Variants in ERCC8 observed in about 807,000 individuals in gnomAD.
The protein encoded by ERCC8 is DNA excision repair protein ERCC-8.
In ERCC8, 52 loss-of-function variants were observed where a neutral mutation model predicts 54.9. That is an observed-to-expected ratio of 0.95 (90% CI 0.76 to 1.19). The LOEUF (loss-of-function observed/expected upper bound fraction) is 1.19. ERCC8 is among the 50% of genes most tolerant of loss of function. The pLI is 0.00. For missense variants in ERCC8, 514 were observed against 466.1 expected (o/e 1.10, Z -0.95); for synonymous variants, 146 against 157.2 (o/e 0.93, Z 0.53).
At chr5:60,941,693 T>C (rs1750261952) in intron 1 of ERCC8, among the ~76,000 whole-genome samples, 1 of 152,140 alleles carries the variant, frequency 6.6e-6, no homozygotes, top group Non-Finnish European at 1.5e-5. Flanking sequence ...ATAAATTACC[T>C]ATAGGAAAAC....
chr5:60,891,528 C>T (rs1748554393), intron 9 of ERCC8, among the ~76,000 whole-genome samples: 1 of 150,752 alleles, frequency 6.6e-6, no homozygotes, highest in Admixed American at 6.6e-5. Flanking sequence ...TTATATACTC[C>T]CAAAAAACAT....
At chr5:60,942,130 A>G (rs949818543) in intron 1 of ERCC8, among the ~76,000 whole-genome samples, 1 of 152,224 alleles carries the variant, frequency 6.6e-6, no homozygotes, top group African/African-American at 2.4e-5. Context: ...CATAGTATAT[A>G]AAATAGAATA....
chr5:60,901,311 C>G (rs1232186995), intron 7 of ERCC8, among the ~76,000 whole-genome samples: 2 of 151,844 alleles, frequency 1.3e-5, no homozygotes, highest in Non-Finnish European at 2.9e-5. Flanking sequence ...CACCTAGGTA[C>G]TTTCCTGTAG....
At chr5:60,891,215 C>A (rs896333298) in intron 9 of ERCC8, 129 bp from the exon 10 acceptor site, 29 of 662,568 alleles carry the variant, frequency 4.4e-5, no homozygotes, top group Middle Eastern at 4.1e-4. Context: ...AAATATTCAA[C>A]GTTGACAGAA....
In ERCC8 at chr5:60,873,533, C is replaced by T. The variant is rs4647164; in HGVS notation, c.*1082G>A. ...CTACTGAAAATACAAAAAAATTAAC[C>T]GGGCGCAGTGGCGGGAGCCTGTAAT... On this transcript the variant is annotated 3_prime_UTR_variant, in exon 12 of 12. Transcript: ENST00000676185. 0.039 allele frequency among the ~76,000 whole-genome samples: 5,860 copies of T among 152,112 alleles called. 133 individuals are homozygous for T. The highest frequency in any genetic ancestry group is 0.057 in the African/African-American group (2,354 of 41,506).
chr5:60,940,109 T>C (rs542308826), intron 1 of ERCC8, among the ~76,000 whole-genome samples: 1 of 152,340 alleles, frequency 6.6e-6, no homozygotes, highest in South Asian at 2.1e-4. Flanking sequence ...TCATTTTCAT[T>C]ACTGGTCTTT....
At chr5:60,891,175 C>A (rs898383113) in intron 9 of ERCC8, 89 bp from the exon 10 acceptor site, 2 of 875,882 alleles carry the variant, frequency 2.3e-6, no homozygotes, top group Non-Finnish European at 1.8e-6. Context: ...AAATATTATG[C>A]TATAAAAAGG....
chr5:60,875,603 C>T (rs4647145), intron 11 of ERCC8, among the ~76,000 whole-genome samples: 1,543 of 152,288 alleles, frequency 0.01, 26 homozygotes, highest in African/African-American at 0.034. Flanking sequence ...TTTACAACTA[C>T]TACAATTTTA....
chr5:60,879,188 T>A (rs1444789313), intron 11 of ERCC8, among the ~76,000 whole-genome samples: 1 of 152,132 alleles, frequency 6.6e-6, no homozygotes, highest in Non-Finnish European at 1.5e-5. Flanking sequence ...TTTGAGTGAG[T>A]TTCTTAATCC....
In ERCC8 at chr5:60,874,518, G is replaced by A. The variant is rs944101229; in HGVS notation, c.*97C>T. The A allele has an allele frequency of 3.0e-6, 3 of 1,011,502 alleles. No homozygotes were observed. In the African/African-American group the frequency reaches 4.9e-5, roughly 16 times the overall value. 62.7% of individuals were successfully genotyped at this position (1,011,502 alleles called of 1,614,324 possible). A position where few individuals can be genotyped will look rare whatever the true frequency, so the allele number is the denominator to read the frequency against. The stretch of plus-strand genomic sequence containing the variant: ...GAGGAAAAATATTACCCACATTTAG[G>A]GCTAATTTAGCTGTCAGGAATAGAC... On this transcript the variant is annotated 3_prime_UTR_variant, in exon 12 of 12. Transcript: ENST00000676185.
chr5:60,920,626 TATAAA>T (rs2112520823), intron 3 of ERCC8, among the ~76,000 whole-genome samples: 1 of 152,062 alleles, frequency 6.6e-6, no homozygotes, highest in Non-Finnish European at 1.5e-5. Flanking sequence ...CCTTCAGATG[TATAAA>T]ATGTTATTAT....
At chr5:60,896,258 C>T (rs756589300) in intron 9 of ERCC8, among the ~76,000 whole-genome samples, 3 of 152,116 alleles carry the variant, frequency 2.0e-5, no homozygotes, top group Non-Finnish European at 4.4e-5. Flanking sequence ...CTCTTGTTGC[C>T]CAGGCTGGAG....
intron 1 of ERCC8, among the ~76,000 whole-genome samples, chr5:60,934,562 G>A (rs1750009439): frequency 6.6e-6 from 1 of 152,156 alleles, no homozygotes; most frequent in Admixed American, 6.5e-5. Flanking sequence ...TTGCTGTGCA[G>A]TTTAATTAAG....
At chr5:60,932,363 T>A (rs965600036) in intron 1 of ERCC8, among the ~76,000 whole-genome samples, 1 of 152,178 alleles carries the variant, frequency 6.6e-6, no homozygotes, top group Non-Finnish European at 1.5e-5. Context: ...AATGGCTCAC[T>A]GTGCCTAAAC....
At chr5:60,938,084 TATTTTA>T (rs1462321945) in intron 1 of ERCC8, among the ~76,000 whole-genome samples, 1,302 of 22,928 alleles carry the variant, frequency 0.057, 10 homozygotes, top group East Asian at 0.12. Context: ...TATATATATA[TATTTTA>T]TTTTTTTTTT....
Position 60,867,115 on chromosome 5 carries a change from C to T in ERCC8, c.*7500G>A, listed in dbSNP as rs761653225. Among the ~76,000 whole-genome samples, 5 of 152,084 alleles carry T rather than the reference C, an allele frequency of 3.3e-5. No homozygotes were observed. Among genetic ancestry groups the T allele is most frequent in the African/African-American group, 4.8e-5 (2 of 41,482 alleles). ...CCTCCCAAAGTGCTGGGATTATAGG[C>T]GTGAGCCACCATGCCCAGCCCTTCC... On this transcript the variant is annotated 3_prime_UTR_variant, in exon 12 of 12. Transcript: ENST00000676185.
chr5:60,923,015 G>C (rs896912240), intron 2 of ERCC8, among the ~76,000 whole-genome samples: 2 of 152,060 alleles, frequency 1.3e-5, no homozygotes, highest in African/African-American at 4.8e-5. Flanking sequence ...CCCATTCTAG[G>C]AACCAAAAGA....
In ERCC8 at chr5:60,913,614, T is replaced by TAAC. The variant is rs1191200977; in HGVS notation, c.399+4650_399+4651insGTT. Among the ~76,000 whole-genome samples, 40 of 152,134 alleles carry TAAC rather than the reference T, an allele frequency of 2.6e-4. 1 individual carries two copies. The highest frequency in any genetic ancestry group is 1.3e-4 in the Non-Finnish European group (9 of 68,028). ...TCCTTCAGTTCTACTCTGATCTTAG[T>TAAC]TATTTCTTGGCTTCTGCTAACTTTT... On this transcript the variant is annotated intron_variant, in intron 4 of 11. Coordinates refer to ENST00000676185, the MANE Select transcript of ERCC8 (RefSeq NM_000082.4).
chr5:60,914,518 C>A (rs1749368727), intron 4 of ERCC8, among the ~76,000 whole-genome samples: 1 of 151,730 alleles, frequency 6.6e-6, no homozygotes, highest in African/African-American at 2.4e-5. Flanking sequence ...AGGATGGGCA[C>A]AGTGGCTCAT....
Sources: allele counts gnomAD v4.1 joint callset (sites outside exome capture counted in the v4.1 genomes callset), GRCh38; gene constraint gnomAD v4.1.1; transcripts MANE v1.5; gene names NCBI Gene and HGNC (gene_info 2026-07-23, HGNC 2026-07-21).